AGBL1: variants seen among roughly 807,000 people sequenced by gnomAD.
AGBL1 encodes the protein AGBL carboxypeptidase 1, also known as cytosolic carboxypeptidase 4.
Under a neutral mutation model 118.9 loss-of-function variants are expected in AGBL1, and 130 were observed. The observed-to-expected ratio is 1.09, with a 90% CI of 0.95 to 1.26. The LOEUF is 1.26. Ranked by LOEUF, AGBL1 falls within the 50% of genes most tolerant of loss-of-function variation. The pLI, the probability that AGBL1 is intolerant of heterozygous loss-of-function variation, is 0.00. For synonymous variants in AGBL1, 555 were observed against 478.9 expected (o/e 1.16, Z -2.08); for missense variants, 1,584 against 1,298.1 (o/e 1.22, Z -3.38).
chr15:86,270,078 T>C lies in AGBL1; in HGVS notation c.1987+11T>C, dbSNP rs141572152. ...GCCAGTTTAATTATGGTATGAACGC[T>C]TGGGGAGCAGGGGCTTTCTGGAACA... On this transcript the variant is annotated intron_variant, in intron 14 of 22. Transcript: ENST00000614907. 278 of 1,606,206 alleles carry C rather than the reference T, an allele frequency of 1.7e-4. No individual in the cohort carries two copies. In the African/African-American group the frequency reaches 3.3e-3, roughly 19 times the overall value.
chr15:86,979,653 T>A (rs554855244), intron 23 of AGBL1, among the ~76,000 whole-genome samples: 2 of 145,234 alleles, frequency 1.4e-5, no homozygotes, highest in African/African-American at 2.5e-5. Flanking sequence ...CACGCCCGGC[T>A]AATTTTTTGT....
chr15:86,661,010 C>T (rs1409979523), intron 21 of AGBL1, among the ~76,000 whole-genome samples: 2 of 152,156 alleles, frequency 1.3e-5, no homozygotes, highest in African/African-American at 2.4e-5. Context: ...AAGTGTAAAA[C>T]AGTATGGACT....
chr15:86,904,435 C>T (rs2080253589), intron 22 of AGBL1, among the ~76,000 whole-genome samples: 1 of 150,560 alleles, frequency 6.6e-6, no homozygotes, highest in African/African-American at 2.4e-5. Flanking sequence ...AAGTGAAAGT[C>T]CTTGAATATG....
At chr15:86,262,630 A>C in intron 9 of AGBL1, 148 bp from the exon 10 acceptor site, 3 of 700,174 alleles carry the variant, frequency 4.3e-6, no homozygotes, top group Non-Finnish European at 5.2e-6. Context: ...CCAGCATAAC[A>C]AATTCTTCAC....
intron 17 of AGBL1, among the ~76,000 whole-genome samples, chr15:86,358,443 G>A (rs915935615): frequency 6.6e-6 from 1 of 151,952 alleles, no homozygotes; most frequent in Admixed American, 6.6e-5. Flanking sequence ...TGAACACTCA[G>A]GTTGTTTCAA....
At chr15:86,731,823 C>T (rs4887243) in intron 22 of AGBL1, among the ~76,000 whole-genome samples, 122,712 of 152,174 alleles carry the variant, frequency 0.81, 49,693 homozygotes, top group East Asian at 0.93. Context: ...AAGCCAGAAA[C>T]TGGGGTGTCT....
At chr15:86,927,766 T>C (rs1489740345) in intron 23 of AGBL1, among the ~76,000 whole-genome samples, 1 of 152,120 alleles carries the variant, frequency 6.6e-6, no homozygotes, top group East Asian at 1.9e-4. Context: ...TCATTGTGTC[T>C]GCTTGCCTAC....
At chr15:86,824,555 G>A (rs922198891) in intron 22 of AGBL1, among the ~76,000 whole-genome samples, 7 of 5,860 alleles carry the variant, frequency 1.2e-3, no homozygotes, top group Non-Finnish European at 8.3e-4. Context: ...AAAATCCCAG[G>A]AAGTTTTTTT....
intron 22 of AGBL1, among the ~76,000 whole-genome samples, chr15:86,731,084 GC>G (rs2077521191): frequency 6.6e-6 from 1 of 152,118 alleles, no homozygotes; most frequent in African/African-American, 2.4e-5. Flanking sequence ...GCCCGTCTTG[GC>G]CTCCCAAAGT....
At chr15:86,279,529 C>T in intron 15 of AGBL1, 110 bp from the exon 16 acceptor site, 1 of 1,067,022 alleles carries the variant, frequency 9.4e-7, no homozygotes, top group Middle Eastern at 2.5e-4. Context: ...GGCCATTGTG[C>T]CAGGACAGTA....
At chr15:86,747,907 T>C (rs1038298656) in intron 22 of AGBL1, among the ~76,000 whole-genome samples, 1 of 152,206 alleles carries the variant, frequency 6.6e-6, no homozygotes, top group Non-Finnish European at 1.5e-5. Context: ...GTTCCAAGTC[T>C]TTGCTATTGT....
At chr15:86,206,656 G>A (rs1444729154) in intron 5 of AGBL1, among the ~76,000 whole-genome samples, 1 of 152,164 alleles carries the variant, frequency 6.6e-6, no homozygotes, top group East Asian at 1.9e-4. Flanking sequence ...TTTGTGATGG[G>A]ATTGTTTGAT....
chr15:86,732,508 T>C (rs1305067333), intron 22 of AGBL1, among the ~76,000 whole-genome samples: 1 of 152,216 alleles, frequency 6.6e-6, no homozygotes. Context: ...ATTAGGCAGA[T>C]TTGGTTTTAG....
intron 22 of AGBL1, among the ~76,000 whole-genome samples, chr15:86,706,371 A>T (rs577220228): frequency 6.6e-6 from 1 of 152,242 alleles, no homozygotes; most frequent in East Asian, 1.9e-4. Context: ...TTAATAAAAA[A>T]TCATAGAGGC....
intron 17 of AGBL1, among the ~76,000 whole-genome samples, chr15:86,327,303 C>T (rs2080198551): frequency 6.6e-6 from 1 of 152,164 alleles, no homozygotes; most frequent in Non-Finnish European, 1.5e-5. Flanking sequence ...GTTAGAGCCC[C>T]AGCTAAGTTC....
intron 21 of AGBL1, among the ~76,000 whole-genome samples, chr15:86,557,214 C>A (rs2083747529): frequency 6.6e-6 from 1 of 152,176 alleles, no homozygotes; most frequent in African/African-American, 2.4e-5. Context: ...GGGCCCAAAG[C>A]TATTGAGGCT....
intron 23 of AGBL1, among the ~76,000 whole-genome samples, chr15:86,927,427 A>C (rs1249815096): frequency 8.2e-5 from 2 of 24,322 alleles, no homozygotes; most frequent in Non-Finnish European, 1.2e-4. Context: ...CATCTTTACA[A>C]AAAAAAAAAA....
intron 22 of AGBL1, among the ~76,000 whole-genome samples, chr15:86,737,193 T>C (rs1170728551): frequency 6.6e-6 from 1 of 152,116 alleles, no homozygotes; most frequent in Non-Finnish European, 1.5e-5. Flanking sequence ...TTTCAGTGAC[T>C]GGGGGAAGGG....
At chr15:86,250,300 G>A (rs554212157) in intron 7 of AGBL1, among the ~76,000 whole-genome samples, 81 of 151,728 alleles carry the variant, frequency 5.3e-4, no homozygotes, top group Non-Finnish European at 9.1e-4. Context: ...TGAGGCAGGC[G>A]GATCACCTGA....
Sources: allele counts gnomAD v4.1 joint callset (sites outside exome capture counted in the v4.1 genomes callset), GRCh38; gene constraint gnomAD v4.1.1; transcripts MANE v1.5; gene names NCBI Gene and HGNC (gene_info 2026-07-23, HGNC 2026-07-21).